The following EXOC6B variants were observed in gnomAD, a reference collection of about 807,000 sequenced individuals.
EXOC6B encodes SEC15 homolog B.
In EXOC6B, 54 loss-of-function variants were observed where a neutral mutation model predicts 113.5. The ratio of observed to expected loss-of-function variants is 0.48; its 90% CI spans 0.38 to 0.60. EXOC6B has a LOEUF of 0.60. Ranked by LOEUF, EXOC6B falls within the 20% of genes least tolerant of loss-of-function variation. The pLI is 0.00. For missense variants in EXOC6B, 797 were observed against 977.5 expected (o/e 0.82, Z 2.46); for synonymous variants, 357 against 339.0 (o/e 1.05, Z -0.58).
At chr2:72,402,771 C>T (rs930111300) in intron 18 of EXOC6B, among the ~76,000 whole-genome samples, 3 of 152,098 alleles carry the variant, frequency 2.0e-5, no homozygotes, top group African/African-American at 7.2e-5. Flanking sequence ...CTCAGATCCC[C>T]CTTTCAATGG....
At chr2:72,796,043 G>A (rs563012869) in intron 1 of EXOC6B, among the ~76,000 whole-genome samples, 17 of 151,658 alleles carry the variant, frequency 1.1e-4, no homozygotes, top group South Asian at 2.1e-4. Flanking sequence ...GGCTGGTCTC[G>A]AACTCCTGAC....
rs573655996 is a variant in EXOC6B, at chr2:72,472,057, C to T, written c.1801-6718G>A. Among the ~76,000 whole-genome samples, 5 of 149,168 alleles carry T rather than the reference C, an allele frequency of 3.4e-5. No individual in the cohort carries two copies. The South Asian group carries it at 8.3e-4, about 25-fold the overall frequency. On this transcript the variant is annotated intron_variant, in intron 17 of 21. Coordinates refer to ENST00000272427, the MANE Select transcript of EXOC6B (RefSeq NM_015189.3). ...TTGCATATACTAAACCATCCTTGCA[C>T]TCTTGGTCTAAATCCCACTTGATCA... is the stretch of plus-strand genomic sequence containing the variant.
In EXOC6B at chr2:72,736,091, A is replaced by C. The variant is rs1356633408; in HGVS notation, c.280-2973T>G. ...CCAGCTACTTAGAAGGCTGAGGCTG[A>C]GGAGAATCACTTGAACTTGGGAGGC... On this transcript the variant is annotated intron_variant, in intron 2 of 21. Coordinates refer to ENST00000272427, the MANE Select transcript of EXOC6B (RefSeq NM_015189.3). Among the ~76,000 whole-genome samples, 4 of 151,712 alleles carry C rather than the reference A, an allele frequency of 2.6e-5. No individual in the cohort carries two copies. In the East Asian group the frequency reaches 7.8e-4, roughly 30 times the overall value.
chr2:72,426,864 G>A (rs1359785796), intron 18 of EXOC6B, among the ~76,000 whole-genome samples: 3 of 152,274 alleles, frequency 2.0e-5, no homozygotes, highest in Non-Finnish European at 4.4e-5. Context: ...TCCAGCTGCA[G>A]AGAGGAGGTG....
In EXOC6B at chr2:72,209,467, T is replaced by C. The variant is rs138187711; in HGVS notation, c.2197-25280A>G. Among the ~76,000 whole-genome samples, 1,319 of 152,158 alleles carry C rather than the reference T, an allele frequency of 8.7e-3. 10 individuals carry two copies. The highest frequency in any genetic ancestry group is 0.019 in the Admixed American group (289 of 15,276). On this transcript the variant is annotated intron_variant, in intron 20 of 21. Coordinates refer to ENST00000272427, the MANE Select transcript of EXOC6B (RefSeq NM_015189.3). ...AAGCAGAGATTGCAGTGAGCCAAGA[T>C]TGTGCCACTGTACTCCAGCCTGGGC...
At chr2:72,529,966 T>A (rs1481830269) in intron 8 of EXOC6B, among the ~76,000 whole-genome samples, 1 of 152,210 alleles carries the variant, frequency 6.6e-6, no homozygotes, top group Non-Finnish European at 1.5e-5. Flanking sequence ...GTGTCTCTAT[T>A]GATATTCCCT....
At chr2:72,762,612 G>T (rs888393573) in intron 1 of EXOC6B, among the ~76,000 whole-genome samples, 2 of 151,834 alleles carry the variant, frequency 1.3e-5, no homozygotes, top group Non-Finnish European at 1.5e-5. Flanking sequence ...CAAAACCTTA[G>T]AAAATTTGTT....
At chr2:72,770,358 C>T (rs773264362) in intron 1 of EXOC6B, among the ~76,000 whole-genome samples, 12 of 152,154 alleles carry the variant, frequency 7.9e-5, no homozygotes, top group Non-Finnish European at 1.2e-4. Context: ...TACAGGTCTA[C>T]AATCCCTAAT....
chr2:72,631,424 GTGTATATATATATATATATATATA>G (rs1381868574), intron 6 of EXOC6B, among the ~76,000 whole-genome samples: 1 of 22,366 alleles, frequency 4.5e-5, no homozygotes, highest in African/African-American at 2.4e-4. Flanking sequence ...GTGTGTGTGT[GTGTATATATATATATATATATATA>G]TATATATATA....
At chr2:72,587,188 T>TA (rs566043912) in intron 6 of EXOC6B, among the ~76,000 whole-genome samples, 9 of 148,640 alleles carry the variant, frequency 6.1e-5, no homozygotes, top group Non-Finnish European at 7.5e-5. Context: ...GTGGACTGGA[T>TA]AAAAAAAAAA....
rs376063957 is a variant in EXOC6B, at chr2:72,398,996, A to G, written c.1981-19126T>C. Among the ~76,000 whole-genome samples, 5 of 143,042 alleles carry G rather than the reference A, an allele frequency of 3.5e-5. No individual in the cohort carries two copies. The East Asian group carries it at 5.9e-4, about 17-fold the overall frequency. 93.8% of individuals were successfully genotyped at this position (143,042 alleles called of 152,430 possible). ...CCAGTATCACCCTGATACCAAAGCC[A>G]GGCAGTGAAAAAGAAAAAAAAAAAA... On this transcript the variant is annotated intron_variant, in intron 18 of 21. Transcript: ENST00000272427.
At chr2:72,559,980 A>G (rs1188647557) in intron 7 of EXOC6B, among the ~76,000 whole-genome samples, 1 of 152,246 alleles carries the variant, frequency 6.6e-6, no homozygotes, top group East Asian at 1.9e-4. Flanking sequence ...CAACTTCTGA[A>G]GAACACAAGA....
At chr2:72,508,583 C>A (rs1373433733) in intron 11 of EXOC6B, among the ~76,000 whole-genome samples, 6 of 151,992 alleles carry the variant, frequency 3.9e-5, no homozygotes, top group Non-Finnish European at 8.8e-5. Flanking sequence ...ACCAGCCTGG[C>A]CAACATGGCG....
At chr2:72,267,505 T>C (rs969930858) in intron 20 of EXOC6B, among the ~76,000 whole-genome samples, 1 of 152,202 alleles carries the variant, frequency 6.6e-6, no homozygotes, top group Non-Finnish European at 1.5e-5. Context: ...CTGCATCTAT[T>C]GAGATAATCA....
In EXOC6B at chr2:72,259,665, C is replaced by A. The variant is rs540522288; in HGVS notation, c.2196+75282G>T. On this transcript the variant is annotated intron_variant, in intron 20 of 21. Coordinates refer to ENST00000272427, the MANE Select transcript of EXOC6B (RefSeq NM_015189.3). ...TACCAACAATGTATGAGAGCTCTAACTGGGTTGCTATAATTAGCCAATTTT... is the reference window on the plus strand; with the variant it reads ...TACCAACAATGTATGAGAGCTCTAAATGGGTTGCTATAATTAGCCAATTTT... Among the ~76,000 whole-genome samples, 5 of 152,298 alleles carry A rather than the reference C, an allele frequency of 3.3e-5. No homozygotes were observed. In the East Asian group the frequency reaches 9.7e-4, roughly 29 times the overall value.
At chr2:72,445,628 G>A (rs922793846) in intron 18 of EXOC6B, among the ~76,000 whole-genome samples, 1 of 152,162 alleles carries the variant, frequency 6.6e-6, no homozygotes, top group African/African-American at 2.4e-5. Context: ...AAGAGAGAGA[G>A]AGCTTGTACG....
chr2:72,391,948 T>C (rs1399710784), intron 18 of EXOC6B, among the ~76,000 whole-genome samples: 1 of 152,244 alleles, frequency 6.6e-6, no homozygotes, highest in South Asian at 2.1e-4. Context: ...TCTTGAATTC[T>C]GCTTTGTTAA....
chr2:72,668,884 G>A (rs1675581721), intron 6 of EXOC6B, among the ~76,000 whole-genome samples: 2 of 152,232 alleles, frequency 1.3e-5, no homozygotes, highest in Non-Finnish European at 2.9e-5. Flanking sequence ...ATATACGTTT[G>A]TAATAAACCT....
intron 6 of EXOC6B, among the ~76,000 whole-genome samples, chr2:72,620,486 GAAATTTAAATAATTTTAAATTTAAATTTT>G (rs1273732150): frequency 6.6e-6 from 1 of 150,708 alleles, no homozygotes; most frequent in Non-Finnish European, 1.5e-5. Flanking sequence ...TTAAATAAAA[GAAATTTAAATAATTTTAAATTTAAATTTT>G]AAATTTAAAT....
Sources: allele counts gnomAD v4.1 joint callset (sites outside exome capture counted in the v4.1 genomes callset), GRCh38; gene constraint gnomAD v4.1.1; transcripts MANE v1.5; gene names NCBI Gene and HGNC (gene_info 2026-07-23, HGNC 2026-07-21).